The following AMMECR1 variants were observed in gnomAD, a reference collection of about 807,000 sequenced individuals.
AMMECR1 encodes the protein nuclear protein AMMECR1.
Under a neutral mutation model 22.5 loss-of-function variants are expected in AMMECR1, and 3 were observed. The ratio of observed to expected loss-of-function variants is 0.13; its 90% CI spans 0.06 to 0.35. The LOEUF (loss-of-function observed/expected upper bound fraction) is 0.35, where lower values mean the gene tolerates loss of function less well. AMMECR1 is among the 10% of genes least tolerant of loss of function. AMMECR1 has a pLI of 1.00. For synonymous variants in AMMECR1, 130 were observed against 116.7 expected, an observed-to-expected ratio of 1.11 and a Z score of -0.74; for missense variants, 235 against 278.7, an observed-to-expected ratio of 0.84 and a Z score of 1.12.
chrX:110,208,228 C>A (rs940294011), intron 3 of AMMECR1, among the ~76,000 whole-genome samples: 6 of 112,064 alleles, frequency 5.4e-5, no homozygotes, highest in Non-Finnish European at 7.5e-5. Context: ...AAGCAGAATA[C>A]CAGAAACATG....
intron 2 of AMMECR1, among the ~76,000 whole-genome samples, chrX:110,416,723 C>T (rs976675934): frequency 5.3e-5 from 6 of 112,281 alleles, no homozygotes; most frequent in African/African-American, 1.9e-4. Flanking sequence ...GCCATACGCT[C>T]TGCTTCTAAG....
At chrX:110,366,376 A>G (rs1459337799) in intron 2 of AMMECR1, among the ~76,000 whole-genome samples, 7 of 111,786 alleles carry the variant, frequency 6.3e-5, no homozygotes, top group Non-Finnish European at 1.1e-4. Flanking sequence ...CTAATGGGGT[A>G]TACCGGATTT....
intron 2 of AMMECR1, among the ~76,000 whole-genome samples, chrX:110,233,276 A>T (rs1274037657): frequency 8.9e-6 from 1 of 112,013 alleles, no homozygotes; most frequent in Non-Finnish European, 1.9e-5. Flanking sequence ...CCCAAGACTA[A>T]ACCAGGAAGA....
intron 2 of AMMECR1, among the ~76,000 whole-genome samples, chrX:110,379,073 C>G (rs763778948): frequency 4.4e-4 from 49 of 112,131 alleles, no homozygotes; most frequent in Non-Finnish European, 7.7e-4. Context: ...AGTTTGGAGA[C>G]CTTTCCCTGA....
At chrX:110,409,652 T>C (rs1420114569) in intron 2 of AMMECR1, among the ~76,000 whole-genome samples, 1 of 110,318 alleles carries the variant, frequency 9.1e-6, no homozygotes, top group Non-Finnish European at 1.9e-5. Context: ...TGCTGTTTTT[T>C]TTTTTTCACT....
At chrX:110,273,804 A>C (rs2148203661) in intron 1 of AMMECR1, among the ~76,000 whole-genome samples, 1 of 111,756 alleles carries the variant, frequency 8.9e-6, no homozygotes, top group African/African-American at 3.2e-5. Flanking sequence ...GTGGTTTTAT[A>C]TCCAGTTCAC....
rs1435484339 is a variant in AMMECR1, at chrX:110,398,958, G to A, written c.-148+27700C>T. Among the ~76,000 whole-genome samples, 3 of 111,992 alleles carry A rather than the reference G, an allele frequency of 2.7e-5. No individual in the cohort carries two copies. The Admixed American group carries it at 2.8e-4, about 11-fold the overall frequency. On this transcript the variant is annotated intron_variant, in intron 2 of 7. Coordinates refer to the AMMECR1 transcript ENST00000372057. ...TTGCTCATTAGGAAAAAAATGCTAT[G>A]ACTGATTATTGATACCTGCCATATA...
intron 1 of AMMECR1, among the ~76,000 whole-genome samples, chrX:110,316,204 G>A (rs2068046918): frequency 8.9e-6 from 1 of 111,909 alleles, no homozygotes; most frequent in Non-Finnish European, 1.9e-5. Context: ...CAGTACAAAT[G>A]CACAATTTCC....
intron 3 of AMMECR1, 120 bp from the exon 4 acceptor site, chrX:110,202,656 A>C: frequency 2.2e-6 from 1 of 464,299 alleles, no homozygotes; most frequent in African/African-American, 2.4e-5. Flanking sequence ...AGAAGGACGT[A>C]TAAGTTTTCT....
At chrX:110,296,028 T>C (rs1355093353) in intron 1 of AMMECR1, among the ~76,000 whole-genome samples, 3 of 112,248 alleles carry the variant, frequency 2.7e-5, no homozygotes, top group African/African-American at 9.7e-5. Flanking sequence ...TTTATTTCTG[T>C]ACATTCAACT....
intron 3 of AMMECR1, among the ~76,000 whole-genome samples, chrX:110,204,617 TG>T (rs1172077973): frequency 8.9e-6 from 1 of 111,744 alleles, no homozygotes; most frequent in East Asian, 2.8e-4. Flanking sequence ...TTTAGGCAAA[TG>T]GGGTTAATTT....
At chrX:110,328,438 CTT>C (rs772629664) in intron 2 of AMMECR1, among the ~76,000 whole-genome samples, 275 of 73,974 alleles carry the variant, frequency 3.7e-3, no homozygotes, top group African/African-American at 0.012. Flanking sequence ...TTCTTTTTCT[CTT>C]TTTTTTTTTT....
intron 2 of AMMECR1, among the ~76,000 whole-genome samples, chrX:110,415,176 C>G (rs1014462824): frequency 8.9e-6 from 1 of 111,958 alleles, no homozygotes; most frequent in African/African-American, 3.3e-5. Flanking sequence ...GCACCAGAGC[C>G]ATGGTTAAAT....
intron 2 of AMMECR1, among the ~76,000 whole-genome samples, chrX:110,335,990 CAG>C (rs1437580662): frequency 1.8e-5 from 2 of 111,600 alleles, no homozygotes; most frequent in Non-Finnish European, 3.8e-5. Context: ...AGAAAAAGGT[CAG>C]AGAGAGCCTC....
intron 2 of AMMECR1, among the ~76,000 whole-genome samples, chrX:110,217,528 C>G (rs1004700138): frequency 2.7e-5 from 3 of 109,244 alleles, no homozygotes; most frequent in Non-Finnish European, 5.7e-5. Context: ...CACACACACA[C>G]ACACACACAC....
chrX:110,206,308 CTTG>C (rs1004330624), intron 3 of AMMECR1, among the ~76,000 whole-genome samples: 23 of 112,247 alleles, frequency 2.0e-4, no homozygotes, highest in African/African-American at 7.4e-4. Flanking sequence ...TTCATTTATC[CTTG>C]TTATCTAGTC....
chrX:110,200,899 G>A, intron 5 of AMMECR1, 55 bp downstream of exon 5: 2 of 858,234 alleles, frequency 2.3e-6, no homozygotes, highest in Admixed American at 2.3e-5. Flanking sequence ...AAGGGTTATA[G>A]GCATACACAT....
chrX:110,353,863 T>G lies in AMMECR1; in HGVS notation c.-147-36014A>C, dbSNP rs185875605. Among the ~76,000 whole-genome samples the G allele has an allele frequency of 5.4e-4, 60 of 111,541 alleles. 1 individual carries two copies. In the East Asian group the frequency reaches 0.016, roughly 30 times the overall value. ...ACAAAATATGCAAAAATCAGCAGTG[T>G]TTCTATATACTAACAATGAACTATC... On this transcript the variant is annotated intron_variant, in intron 2 of 7. Coordinates refer to the AMMECR1 transcript ENST00000372057.
chrX:110,216,674 G>T, intron 2 of AMMECR1, 42 bp from the exon 3 acceptor site: 1 of 867,212 alleles, frequency 1.2e-6, no homozygotes, highest in Non-Finnish European at 1.7e-6. Context: ...CACTGGATAT[G>T]AAAGTTCCCA....
Sources: gnomAD v4.1 joint callset for allele counts (sites outside exome capture counted in the v4.1 genomes callset) on GRCh38, gnomAD v4.1.1 for gene constraint, MANE v1.5 for transcripts, NCBI Gene and HGNC (gene_info 2026-07-23, HGNC 2026-07-21) for gene names.